Variants in RNF216 observed in about 807,000 individuals in gnomAD.
The protein encoded by RNF216 is ring finger protein 216.
RNF216 carries 72 observed loss-of-function variants against 110.8 expected under a neutral mutation model. That is an observed-to-expected ratio of 0.65 (90% CI 0.54 to 0.79). RNF216 has a LOEUF of 0.79. Ranked by LOEUF, RNF216 falls within the 30% of genes least tolerant of loss-of-function variation. The probability of loss-of-function intolerance (pLI) is 0.00; values close to 1 mark genes in which losing one functional copy is unlikely to be tolerated. For synonymous variants in RNF216, 495 were observed against 407.5 expected (o/e 1.21, Z -2.59); for missense variants, 1,342 against 1,141.2 (o/e 1.18, Z -2.54).
chr7:5,760,605 G>T, intron 2 of RNF216: 1 of 287,824 alleles, frequency 3.5e-6, no homozygotes. Flanking sequence ...GAATCTTCTG[G>T]CAAAAAAGAA....
intron 13 of RNF216, among the ~76,000 whole-genome samples, chr7:5,675,489 A>G (rs1790223801): frequency 6.6e-6 from 1 of 151,926 alleles, no homozygotes; most frequent in Non-Finnish European, 1.5e-5. Flanking sequence ...TAAATTTAAA[A>G]AAATTAGCTG....
intron 1 of RNF216, among the ~76,000 whole-genome samples, chr7:5,767,324 G>GA (rs994622702): frequency 5.9e-5 from 9 of 152,260 alleles, no homozygotes; most frequent in Non-Finnish European, 1.2e-4. Flanking sequence ...TCTTAAGTGT[G>GA]AAAAAATGGA....
At chr7:5,701,206 G>A (rs777428996) in intron 13 of RNF216, among the ~76,000 whole-genome samples, 18 of 152,192 alleles carry the variant, frequency 1.2e-4, no homozygotes, top group Non-Finnish European at 2.6e-4. Context: ...ATTTCTTATA[G>A]AATGTATCAG....
rs1406634985 is a variant in RNF216 at position 5,622,814 on chromosome 7, C to G, written c.*46G>C. On this transcript the variant is annotated 3_prime_UTR_variant, in exon 17 of 17. Transcript: ENST00000389902. ...TGGGGGAGGGTTCTCCATCCACACT[C>G]CTACCCCAAACGGGCTTTGTGCTGC... The G allele has an allele frequency of 2.0e-6, 3 of 1,536,976 alleles. No individual in the cohort carries two copies. In the Admixed American group the frequency reaches 5.2e-5, roughly 27 times the overall value.
chr7:5,745,593 T>C (rs1794989266), intron 3 of RNF216, among the ~76,000 whole-genome samples: 1 of 151,988 alleles, frequency 6.6e-6, no homozygotes, highest in African/African-American at 2.4e-5. Flanking sequence ...TGATTGAGTA[T>C]AAAATTAATG....
chr7:5,781,554 C>T lies in RNF216; in HGVS notation c.-83G>A, dbSNP rs370757776. ...GCCGACACTCACTCGTCACTCAAGT[C>T]GCCGGCTAGCCAGGCAGGTTCGGCG... On this transcript the variant is annotated 5_prime_UTR_variant, in exon 1 of 17. Transcript: ENST00000389902. 2.6e-5 allele frequency: 4 copies of T among 152,414 alleles called. No individual in the cohort carries two copies. Among genetic ancestry groups the T allele is most frequent in the African/African-American group, 9.6e-5 (4 of 41,570 alleles). The allele number at this position is 152,414 out of a possible 1,614,324, so 9.4% of individuals were successfully genotyped here. A position where few individuals can be genotyped will look rare whatever the true frequency, so the allele number is the denominator to read the frequency against.
At chr7:5,709,905 C>T (rs532636089) in intron 13 of RNF216, among the ~76,000 whole-genome samples, 156 of 152,296 alleles carry the variant, frequency 1.0e-3, no homozygotes, top group African/African-American at 3.5e-3. Context: ...TGGGCACACA[C>T]CACCATGCCT....
At chr7:5,743,967 T>C (rs1292886734) in intron 3 of RNF216, among the ~76,000 whole-genome samples, 1 of 152,188 alleles carries the variant, frequency 6.6e-6, no homozygotes, top group African/African-American at 2.4e-5. Flanking sequence ...TCCCAAAATT[T>C]TCATATACAA....
At chr7:5,682,258 A>C (rs1790703803) in intron 13 of RNF216, among the ~76,000 whole-genome samples, 1 of 152,158 alleles carries the variant, frequency 6.6e-6, no homozygotes, top group South Asian at 2.1e-4. Flanking sequence ...TCTTGTTCTG[A>C]AATCCTTTGG....
At chr7:5,637,589 C>G (rs1163407846) in intron 15 of RNF216, among the ~76,000 whole-genome samples, 2 of 152,198 alleles carry the variant, frequency 1.3e-5, no homozygotes, top group South Asian at 2.1e-4. Context: ...CTCTGTCACC[C>G]AGGCAGAAGT....
chr7:5,747,243 TG>T (rs2128659068), intron 3 of RNF216, among the ~76,000 whole-genome samples: 1 of 152,326 alleles, frequency 6.6e-6, no homozygotes, highest in African/African-American at 2.4e-5. Flanking sequence ...GTCCTAAACC[TG>T]GGGAAGACTT....
intron 13 of RNF216, among the ~76,000 whole-genome samples, chr7:5,667,371 C>T (rs1789597767): frequency 6.6e-6 from 1 of 152,162 alleles, no homozygotes; most frequent in Non-Finnish European, 1.5e-5. Flanking sequence ...ATTAAAGTTT[C>T]TTTAAAAAGG....
At chr7:5,672,523 A>G (rs1789983473) in intron 13 of RNF216, among the ~76,000 whole-genome samples, 1 of 152,254 alleles carries the variant, frequency 6.6e-6, no homozygotes, top group South Asian at 2.1e-4. Context: ...GAATTTCAAC[A>G]GGAGATGGAC....
chr7:5,731,420 C>G (rs1260983685), intron 5 of RNF216, among the ~76,000 whole-genome samples: 1 of 151,766 alleles, frequency 6.6e-6, no homozygotes, highest in Non-Finnish European at 1.5e-5. Flanking sequence ...TGAACAGACT[C>G]TCTTCACACA....
chr7:5,756,362 C>T (rs909492235), intron 2 of RNF216, among the ~76,000 whole-genome samples: 1 of 152,226 alleles, frequency 6.6e-6, no homozygotes, highest in Non-Finnish European at 1.5e-5. Flanking sequence ...TGCTTTCATG[C>T]TACAATGGTA....
In RNF216 at chr7:5,696,560, C is replaced by A. The variant is rs762022660; in HGVS notation, c.2061+15201G>T. ...GAGCAGGCCGGGGCAGCCTCCTAGA[C>A]ACGCGTGCCCAAGATCGTGTCCTAT... On this transcript the variant is annotated intron_variant, in intron 13 of 16. Transcript: ENST00000389902. This position sits in a 1 kb window ranked among gnomAD's most constrained non-coding sequence, Gnocchi z 5.4. Among the ~76,000 whole-genome samples, 1 of 152,292 alleles carries A rather than the reference C, an allele frequency of 6.6e-6. No homozygotes were observed. Among genetic ancestry groups the A allele is most frequent in the East Asian group, 1.9e-4 (1 of 5,182 alleles).
intron 5 of RNF216, among the ~76,000 whole-genome samples, chr7:5,735,090 G>A (rs1794317070): frequency 6.6e-6 from 1 of 152,000 alleles, no homozygotes; most frequent in Non-Finnish European, 1.5e-5. Context: ...AGGTTGCAGT[G>A]AGCCAGGATC....
intron 13 of RNF216, among the ~76,000 whole-genome samples, chr7:5,677,665 G>A (rs1010988444): frequency 2.6e-5 from 4 of 152,160 alleles, no homozygotes; most frequent in African/African-American, 7.2e-5. Context: ...CCATTCAATC[G>A]CTATGAGAGT....
chr7:5,632,395 T>A (rs997578513), intron 15 of RNF216, among the ~76,000 whole-genome samples: 1 of 152,194 alleles, frequency 6.6e-6, no homozygotes. Context: ...GTGAAAACTT[T>A]CAAATGAATT....
Sources: allele counts gnomAD v4.1 joint callset (sites outside exome capture counted in the v4.1 genomes callset), GRCh38; gene constraint gnomAD v4.1.1; non-coding constraint Gnocchi (gnomAD v3.1); transcripts MANE v1.5; gene names NCBI Gene and HGNC (gene_info 2026-07-23, HGNC 2026-07-21).